ELP4: variants seen among roughly 807,000 people sequenced by gnomAD.
ELP4 encodes elongator acetyltransferase complex subunit 4, also known as elongator complex protein 4.
A neutral mutation model predicts 48.9 loss-of-function variants in ELP4; 51 were observed. That is an observed-to-expected ratio of 1.04 (90% CI 0.83 to 1.32). The LOEUF (loss-of-function observed/expected upper bound fraction) is 1.32, where lower values mean the gene tolerates loss of function less well. Ranked by LOEUF, ELP4 falls within the 40% of genes most tolerant of loss-of-function variation. The pLI, the probability that ELP4 is intolerant of heterozygous loss-of-function variation, is 0.00. For synonymous variants in ELP4, 210 were observed against 189.2 expected (o/e 1.11, Z -0.90); for missense variants, 519 against 514.6 (o/e 1.01, Z -0.08).
intron 5 of ELP4, among the ~76,000 whole-genome samples, chr11:31,610,422 T>C (rs1012259686): frequency 7.2e-5 from 11 of 152,184 alleles, no homozygotes. Context: ...CAAAAGTATA[T>C]TGCATCATGC....
At chr11:31,526,975 G>A (rs2973129) in intron 2 of ELP4, among the ~76,000 whole-genome samples, 58,891 of 151,742 alleles carry the variant, frequency 0.39, 14,978 homozygotes, top group African/African-American at 0.72. Flanking sequence ...GTACTTACAT[G>A]TTTTATAATA....
chr11:31,533,412 C>G (rs1956437675), intron 2 of ELP4, among the ~76,000 whole-genome samples: 1 of 89,892 alleles, frequency 1.1e-5, no homozygotes, highest in African/African-American at 4.6e-5. Context: ...GAGTCTCGCT[C>G]TTTCGCCCAG....
rs543459150 is a variant in ELP4, at chr11:31,535,314, A to G, written c.260-4348A>G. ...AATGTTATTGAATTTTAATTTATATACAATAAAATGCACCCATTTGTTTAT... is the reference window on the plus strand; with the variant it reads ...AATGTTATTGAATTTTAATTTATATGCAATAAAATGCACCCATTTGTTTAT... On this transcript the variant is annotated intron_variant, in intron 2 of 9. Coordinates refer to ENST00000640961, the MANE Select transcript of ELP4 (RefSeq NM_019040.5). Among the ~76,000 whole-genome samples the G allele has an allele frequency of 2.0e-5, 3 of 152,254 alleles. No homozygotes were observed. In the East Asian group the frequency reaches 5.8e-4, roughly 29 times the overall value.
At chr11:31,631,511 A>G (rs531252677) in intron 6 of ELP4, among the ~76,000 whole-genome samples, 1 of 152,280 alleles carries the variant, frequency 6.6e-6, no homozygotes, top group East Asian at 1.9e-4. Flanking sequence ...AGAATTTATT[A>G]TAAACACATC....
At chr11:31,521,896 A>G (rs937906873) in intron 2 of ELP4, among the ~76,000 whole-genome samples, 4 of 152,080 alleles carry the variant, frequency 2.6e-5, no homozygotes, top group South Asian at 4.1e-4. Context: ...TGTTCTCTCA[A>G]CTCAGCCATT....
intron 4 of ELP4, among the ~76,000 whole-genome samples, chr11:31,601,015 G>A (rs182986445): frequency 2.4e-4 from 37 of 152,116 alleles, no homozygotes; most frequent in African/African-American, 7.7e-4. Context: ...GTTTATGAAC[G>A]TGAATTAGAA....
At chr11:31,642,333 TA>T (rs770702276) in intron 7 of ELP4, among the ~76,000 whole-genome samples, 1 of 151,868 alleles carries the variant, frequency 6.6e-6, no homozygotes, top group Non-Finnish European at 1.5e-5. Flanking sequence ...AATGTGTTCT[TA>T]AAAAAAGTCT....
intron 5 of ELP4, among the ~76,000 whole-genome samples, chr11:31,616,578 A>G (rs1325188285): frequency 6.6e-6 from 1 of 152,138 alleles, no homozygotes. Flanking sequence ...GACAAATAGG[A>G]TGACATCAAA....
chr11:31,751,959 T>C (rs534188083), intron 9 of ELP4, among the ~76,000 whole-genome samples: 12 of 152,188 alleles, frequency 7.9e-5, no homozygotes, highest in Admixed American at 5.9e-4. Context: ...TACAACTTCA[T>C]GTAATCCCTC....
chr11:31,559,184 C>T (rs909842261), intron 3 of ELP4, among the ~76,000 whole-genome samples: 1 of 152,126 alleles, frequency 6.6e-6, no homozygotes, highest in African/African-American at 2.4e-5. Context: ...ACTGTGGAAA[C>T]CCCAAAGAAG....
chr11:31,731,189 A>AG (rs1355176694), intron 9 of ELP4, among the ~76,000 whole-genome samples: 5 of 152,220 alleles, frequency 3.3e-5, no homozygotes, highest in African/African-American at 1.2e-4. Flanking sequence ...GTGAAGAAAC[A>AG]GGGAAATAGG....
intron 9 of ELP4, among the ~76,000 whole-genome samples, chr11:31,758,712 G>T (rs1947882122): frequency 6.6e-6 from 1 of 150,520 alleles, no homozygotes; most frequent in Non-Finnish European, 1.5e-5. Context: ...TGTTGCCCAG[G>T]CTTGAGTACA....
At chr11:31,513,748 T>C (rs1956053442) in intron 1 of ELP4, among the ~76,000 whole-genome samples, 1 of 152,182 alleles carries the variant, frequency 6.6e-6, no homozygotes, top group Non-Finnish European at 1.5e-5. Context: ...CTAATGTAAT[T>C]GTCTTACTAC....
At chr11:31,653,714 A>G (rs890712494) in intron 9 of ELP4, 1 of 151,786 alleles carries the variant, frequency 6.6e-6, no homozygotes, top group Non-Finnish European at 1.5e-5. Context: ...TAATACAGCT[A>G]TAAATATGAC....
At chr11:31,692,541 G>C (rs1248226615) in intron 9 of ELP4, among the ~76,000 whole-genome samples, 4 of 152,150 alleles carry the variant, frequency 2.6e-5, no homozygotes, top group African/African-American at 9.7e-5. Context: ...GCACAGTAAA[G>C]TCCTAGCTAC....
chr11:31,740,537 A>ATATT (rs1338888454), intron 9 of ELP4, among the ~76,000 whole-genome samples: 1 of 152,332 alleles, frequency 6.6e-6, no homozygotes, highest in South Asian at 2.1e-4. Context: ...TGGTGCCTGA[A>ATATT]TAATAGAGGC....
At chr11:31,768,222 T>C (rs1218058964) in intron 9 of ELP4, among the ~76,000 whole-genome samples, 1 of 152,180 alleles carries the variant, frequency 6.6e-6, no homozygotes, top group East Asian at 1.9e-4. Flanking sequence ...TGCTATATAC[T>C]TACACTTAAA....
rs186712572 is a variant in ELP4 at position 31,677,612 on chromosome 11, A to C, written c.1143+27391A>C. ...TATAGTAGTTGATTATAATCTACAAAAATAGGTCTTTAGGTTATGCCAATG... is the reference window on the plus strand; with the variant it reads ...TATAGTAGTTGATTATAATCTACAACAATAGGTCTTTAGGTTATGCCAATG... On this transcript the variant is annotated intron_variant, in intron 9 of 9. Transcript: ENST00000640961. Among the ~76,000 whole-genome samples, 5 of 152,324 alleles carry C rather than the reference A, an allele frequency of 3.3e-5. No individual in the cohort carries two copies. The East Asian group carries it at 9.6e-4, about 29-fold the overall frequency.
rs1325423142 is a variant in ELP4 at position 31,543,139 on chromosome 11, G to C, written c.381+3356G>C. 5.9e-5 allele frequency among the ~76,000 whole-genome samples: 9 copies of C among 152,166 alleles called. 1 individual carries two copies. Among genetic ancestry groups the C allele is most frequent in the Admixed American group, 5.9e-4 (9 of 15,276 alleles). On this transcript the variant is annotated intron_variant, in intron 3 of 9. Transcript: ENST00000640961. ...GGGGAAAAAAAAGATTTTTGCATTA[G>C]TGAGCTGTAAGATAACTTAAGGGTC...
Sources: gnomAD v4.1 joint callset for allele counts (sites outside exome capture counted in the v4.1 genomes callset) on GRCh38, gnomAD v4.1.1 for gene constraint, MANE v1.5 for transcripts, NCBI Gene and HGNC (gene_info 2026-07-23, HGNC 2026-07-21) for gene names.